Variants in MTARC2 observed in about 807,000 individuals in gnomAD.
MTARC2 encodes mitochondrial amidoxime reducing component 2.
In MTARC2, 27 loss-of-function variants were observed where a neutral mutation model predicts 35.6. The observed-to-expected ratio is 0.76, with a 90% CI of 0.56 to 1.04. MTARC2 has a LOEUF of 1.04. Among genes scored for constraint, MTARC2 ranks in the 50% least tolerant of loss-of-function variants. MTARC2 has a pLI of 0.00. For missense variants in MTARC2, 412 were observed against 432.5 expected (o/e 0.95, Z 0.42); for synonymous variants, 158 against 167.1 (o/e 0.95, Z 0.42).
intron 4 of MTARC2, among the ~76,000 whole-genome samples, chr1:220,771,051 C>A (rs564644141): frequency 4.6e-5 from 7 of 152,296 alleles, no homozygotes; most frequent in African/African-American, 1.7e-4. Flanking sequence ...GTAATCCCAG[C>A]ACTTTGGGAG....
intron 1 of MTARC2, 143 bp from the exon 2 acceptor site, chr1:220,754,804 A>G (rs1175610269): frequency 1.2e-6 from 1 of 815,394 alleles, no homozygotes; most frequent in African/African-American, 1.7e-5. Context: ...TCATTTGGCC[A>G]GACCTGGATA....
intron 1 of MTARC2, chr1:220,754,222 G>A (rs531216611): frequency 2.3e-6 from 1 of 431,290 alleles, no homozygotes; most frequent in Admixed American, 2.4e-5. Context: ...TAACCAACTG[G>A]GCCTGGCCAG....
chr1:220,770,810 C>A (rs1045912642), intron 4 of MTARC2, among the ~76,000 whole-genome samples: 1 of 152,208 alleles, frequency 6.6e-6, no homozygotes, highest in Non-Finnish European at 1.5e-5. Flanking sequence ...TTCTCGTGGC[C>A]GTAACCTCCC....
chr1:220,757,393 T>A (rs1671309103), intron 2 of MTARC2, among the ~76,000 whole-genome samples: 1 of 152,136 alleles, frequency 6.6e-6, no homozygotes, highest in Non-Finnish European at 1.5e-5. Flanking sequence ...TCAGCCTGTA[T>A]TTATAAGCTA....
intron 4 of MTARC2, among the ~76,000 whole-genome samples, chr1:220,765,506 A>G (rs1452166161): frequency 6.6e-6 from 1 of 152,238 alleles, no homozygotes; most frequent in Admixed American, 6.5e-5. Context: ...ACTCTCTTGA[A>G]CACTCATTGA....
intron 4 of MTARC2, among the ~76,000 whole-genome samples, chr1:220,777,685 A>C (rs1203683944): frequency 6.6e-6 from 1 of 152,136 alleles, no homozygotes; most frequent in East Asian, 1.9e-4. Flanking sequence ...TTCAAACCTT[A>C]AATCAGTAGG....
In MTARC2 at chr1:220,761,968, G is replaced by A. The variant is rs1019863701; in HGVS notation, c.609+148G>A. 2.3e-5 allele frequency: 18 copies of A among 795,678 alleles called. No homozygotes were observed. The African/African-American group carries it at 2.8e-4, about 12-fold the overall frequency. 49.3% of individuals were successfully genotyped at this position (795,678 alleles called of 1,614,324 possible). A position where few individuals can be genotyped will look rare whatever the true frequency, so the allele number is the denominator to read the frequency against. On this transcript the variant is annotated intron_variant, in intron 3 of 7. Transcript: ENST00000366913. The stretch of plus-strand genomic sequence containing the variant: ...GAGTGATAATGAGGGCACAGCCTAG[G>A]CAGAGGTACCAGGGGATGGAAAAGA...
intron 2 of MTARC2, among the ~76,000 whole-genome samples, chr1:220,757,650 G>A (rs1171071816): frequency 6.6e-6 from 1 of 152,182 alleles, no homozygotes; most frequent in Non-Finnish European, 1.5e-5. Context: ...CTTCCCTGGT[G>A]CCTGCATGAA....
intron 4 of MTARC2, among the ~76,000 whole-genome samples, chr1:220,766,530 C>G (rs1411780002): frequency 6.6e-6 from 1 of 152,156 alleles, no homozygotes; most frequent in African/African-American, 2.4e-5. Flanking sequence ...CCACAGGAAT[C>G]CTGTAATTCT....
At chr1:220,777,400 G>A (rs1671946746) in intron 4 of MTARC2, among the ~76,000 whole-genome samples, 1 of 152,206 alleles carries the variant, frequency 6.6e-6, no homozygotes, top group Non-Finnish European at 1.5e-5. Context: ...GACATGGCCT[G>A]GTCATCAGCG....
At position 220,770,403 on chromosome 1, in the gene MTARC2, A is replaced by G. The variant is rs79740076; in HGVS notation, c.750+7353A>G. The G allele has an allele frequency of 2.1e-3, 2,092 of 985,426 alleles. 28 individuals are homozygous for G. In the African/African-American group the frequency reaches 0.03, roughly 14 times the overall value. 61.0% of individuals were successfully genotyped at this position (985,426 alleles called of 1,614,324 possible). On this transcript the variant is annotated intron_variant, in intron 4 of 7. Transcript: ENST00000366913. The stretch of plus-strand genomic sequence containing the variant: ...CAGACCAAGGAGGAAGTGTGTCTTC[A>G]GAGACGGTGGTGCGCGGTATTCCCC...
intron 4 of MTARC2, among the ~76,000 whole-genome samples, chr1:220,778,801 G>A (rs993081389): frequency 3.9e-5 from 6 of 152,164 alleles, no homozygotes; most frequent in African/African-American, 1.4e-4. Flanking sequence ...TGTAAAAGAT[G>A]TCTCCCAATA....
chr1:220,755,330 T>C (rs2102544848), intron 2 of MTARC2, among the ~76,000 whole-genome samples: 1 of 152,152 alleles, frequency 6.6e-6, no homozygotes, highest in South Asian at 2.1e-4. Flanking sequence ...TTTAATCAGG[T>C]ATGGTTAGAC....
At chr1:220,759,578 C>T (rs3820350) in intron 2 of MTARC2, among the ~76,000 whole-genome samples, 2,045 of 152,116 alleles carry the variant, frequency 0.013, 32 homozygotes, top group East Asian at 0.06. Context: ...TAAGCTTTCC[C>T]GGGTGGGTGG....
At chr1:220,777,167 G>C (rs1169999227) in intron 4 of MTARC2, among the ~76,000 whole-genome samples, 1 of 152,178 alleles carries the variant, frequency 6.6e-6, no homozygotes, top group Non-Finnish European at 1.5e-5. Context: ...TTGGACCGTG[G>C]CGTTTATTTC....
intron 4 of MTARC2, chr1:220,779,813 G>A (rs775806716): frequency 2.6e-5 from 11 of 431,238 alleles, no homozygotes; most frequent in African/African-American, 6.2e-5. Context: ...ATGGAATCAG[G>A]GTTTTGAGAC....
intron 4 of MTARC2, among the ~76,000 whole-genome samples, chr1:220,777,446 C>A (rs749449849): frequency 2.6e-5 from 4 of 152,198 alleles, no homozygotes; most frequent in Non-Finnish European, 5.9e-5. Context: ...AGTCCCTACC[C>A]CCTGCCCTGC....
In MTARC2 at chr1:220,781,924, G is replaced by A. The variant is rs200796283; in HGVS notation, c.*23G>A. 6.8e-6 allele frequency: 11 copies of A among 1,611,570 alleles called. No homozygotes were observed. The highest frequency in any genetic ancestry group is 9.3e-6 in the Non-Finnish European group (11 of 1,178,450). The stretch of plus-strand genomic sequence containing the variant: ...TAGTGATGAGTGATGGATCCACTAG[G>A]GTGATATGGTAAAGGGTCAGCTTTG... On this transcript the variant is annotated 3_prime_UTR_variant, in exon 7 of 8. Coordinates refer to ENST00000366913, the MANE Select transcript of MTARC2 (RefSeq NM_017898.5).
chr1:220,776,496 T>A (rs1671918861), intron 4 of MTARC2, among the ~76,000 whole-genome samples: 1 of 151,952 alleles, frequency 6.6e-6, no homozygotes, highest in South Asian at 2.1e-4. Context: ...AGCATAGTAT[T>A]TTTTTTACTG....
Sources: gnomAD v4.1 joint callset for allele counts (sites outside exome capture counted in the v4.1 genomes callset) on GRCh38, gnomAD v4.1.1 for gene constraint, MANE v1.5 for transcripts, NCBI Gene and HGNC (gene_info 2026-07-23, HGNC 2026-07-21) for gene names.